Variants in QTMAN observed in about 807,000 individuals in gnomAD.
QTMAN encodes tRNA-queuosine alpha-mannosyltransferase.
chr2:144,170,468 G>T, the QTMAN span, among the ~76,000 whole-genome samples: 7 of 152,160 alleles, frequency 4.6e-5, no homozygotes. Flanking sequence ...TGCAAAGGGA[G>T]TGGGTTTGCA....
chr2:144,096,126 T>C, the QTMAN span, among the ~76,000 whole-genome samples: 7 of 152,224 alleles, frequency 4.6e-5, no homozygotes, highest in Admixed American at 4.6e-4. Context: ...TTGAAGAATA[T>C]TTCTTTGCTT....
At chr2:144,197,561 A>G in the QTMAN span, among the ~76,000 whole-genome samples, 1 of 152,186 alleles carries the variant, frequency 6.6e-6, no homozygotes, top group Non-Finnish European at 1.5e-5. Context: ...AAGTAGTTTA[A>G]TTGTGACCTC....
the QTMAN span, among the ~76,000 whole-genome samples, chr2:144,108,536 G>T: frequency 2.6e-5 from 4 of 151,254 alleles, no homozygotes; most frequent in Middle Eastern, 3.2e-3. Context: ...TACTGGAGAG[G>T]CTGAGGCAGG....
chr2:144,239,102 C>G, the QTMAN span, among the ~76,000 whole-genome samples: 3 of 150,366 alleles, frequency 2.0e-5, no homozygotes, highest in African/African-American at 7.4e-5. Flanking sequence ...TTCGAATATT[C>G]TATTTCTTGA....
chr2:144,005,020 T>A, the QTMAN span, among the ~76,000 whole-genome samples: 6 of 151,734 alleles, frequency 4.0e-5, no homozygotes, highest in African/African-American at 1.4e-4. Flanking sequence ...GAGTTTGATA[T>A]TTTTTTTATG....
At chr2:144,254,987 C>T in the QTMAN span, among the ~76,000 whole-genome samples, 2 of 152,220 alleles carry the variant, frequency 1.3e-5, no homozygotes, top group African/African-American at 4.8e-5. Context: ...ATGCCTGTAA[C>T]CCCACTGTAA....
At chr2:143,944,403 C>T in the QTMAN span, 1 of 151,986 alleles carries the variant, frequency 6.6e-6, no homozygotes, top group African/African-American at 2.4e-5. Flanking sequence ...AAATAAGTGA[C>T]ACCTTTAATG....
chr2:144,232,529 TGA>T, the QTMAN span, among the ~76,000 whole-genome samples: 1 of 152,180 alleles, frequency 6.6e-6, no homozygotes, highest in Non-Finnish European at 1.5e-5. Context: ...CAAAAATACA[TGA>T]GTTTTTCTTC....
the QTMAN span, chr2:143,939,223 T>C: frequency 6.6e-6 from 1 of 152,248 alleles, no homozygotes; most frequent in African/African-American, 2.4e-5. Context: ...TTCCTGTGTT[T>C]GAGTGGATCA....
At chr2:144,045,208 A>T in the QTMAN span, among the ~76,000 whole-genome samples, 35 of 152,222 alleles carry the variant, frequency 2.3e-4, no homozygotes, top group Non-Finnish European at 4.4e-4. Context: ...ATTCACACTT[A>T]AAGTACAGTC....
At chr2:144,112,323 T>C in the QTMAN span, among the ~76,000 whole-genome samples, 1 of 152,164 alleles carries the variant, frequency 6.6e-6, no homozygotes. Context: ...TCTATAAAAA[T>C]CAAACATGAG....
the QTMAN span, chr2:143,952,726 T>C: frequency 8.4e-7 from 1 of 1,187,226 alleles, no homozygotes; most frequent in East Asian, 2.3e-5. Flanking sequence ...TTAGCATGAA[T>C]CATATATTAA....
the QTMAN span, among the ~76,000 whole-genome samples, chr2:144,305,428 C>T: frequency 6.6e-6 from 1 of 152,134 alleles, no homozygotes; most frequent in African/African-American, 2.4e-5. Flanking sequence ...GGGTTTAATT[C>T]TGGGCTTTCA....
the QTMAN span, among the ~76,000 whole-genome samples, chr2:144,269,761 A>G: frequency 6.6e-6 from 1 of 152,186 alleles, no homozygotes; most frequent in African/African-American, 2.4e-5. Flanking sequence ...TAGAAGCTCT[A>G]GTTTTAGTCC....
chr2:144,031,505 T>C, the QTMAN span, among the ~76,000 whole-genome samples: 1 of 152,044 alleles, frequency 6.6e-6, no homozygotes, highest in South Asian at 2.1e-4. Context: ...GCTTTTAAAC[T>C]GAATTTTGGA....
chr2:144,063,255 T>C, the QTMAN span, among the ~76,000 whole-genome samples: 3 of 152,086 alleles, frequency 2.0e-5, no homozygotes, highest in Admixed American at 2.0e-4. Flanking sequence ...CCTAGGTAGC[T>C]CATATCATAA....
the QTMAN span, among the ~76,000 whole-genome samples, chr2:144,123,508 T>C: frequency 6.6e-6 from 1 of 152,158 alleles, no homozygotes; most frequent in Non-Finnish European, 1.5e-5. Flanking sequence ...CACAGATAAC[T>C]AAATAAAGTT....
At chr2:144,208,582 T>C in the QTMAN span, 9 of 1,598,576 alleles carry the variant, frequency 5.6e-6, no homozygotes, top group Non-Finnish European at 7.7e-6. Flanking sequence ...ACGCTGAAAA[T>C]GCATCCTGAG....
chr2:144,208,570 A>T, the QTMAN span: 3 of 1,589,960 alleles, frequency 1.9e-6, no homozygotes, highest in South Asian at 3.4e-5. Flanking sequence ...ACTTTTTAAA[A>T]AACGCTGAAA....
Sources: gnomAD v4.1 joint callset for allele counts (sites outside exome capture counted in the v4.1 genomes callset) on GRCh38, gnomAD v4.1.1 for gene constraint, MANE v1.5 for transcripts, NCBI Gene and HGNC (gene_info 2026-07-23, HGNC 2026-07-21) for gene names.